The following OPA1 variants were observed in gnomAD, a reference collection of about 807,000 sequenced individuals.
OPA1 encodes the protein OPA1 mitochondrial dynamin like GTPase.
Under a neutral mutation model 152.9 loss-of-function variants are expected in OPA1, and 59 were observed. The observed-to-expected ratio is 0.39, with a 90% CI of 0.31 to 0.48. The LOEUF is 0.48. Ranked by LOEUF, OPA1 falls within the 20% of genes least tolerant of loss-of-function variation. OPA1 has a pLI of 0.96. For missense variants in OPA1, 1,008 were observed against 1,216.8 expected, an observed-to-expected ratio of 0.83 and a Z score of 2.55; for synonymous variants, 400 against 389.9, an observed-to-expected ratio of 1.03 and a Z score of -0.31.
At chr3:193,648,893 CTT>C (rs1307892765) in intron 21 of OPA1, 22 bp downstream of exon 21, 1 of 1,461,542 alleles carries the variant, frequency 6.8e-7, no homozygotes, top group East Asian at 2.3e-5. Flanking sequence ...ATATTAATCT[CTT>C]TTCTGAAAGA....
intron 29 of OPA1, among the ~76,000 whole-genome samples, chr3:193,676,934 T>G (rs899674006): frequency 7.7e-6 from 1 of 130,660 alleles, no homozygotes; most frequent in Admixed American, 9.7e-5. Flanking sequence ...TGAGCCGAGA[T>G]CGCGCCACTG....
At chr3:193,642,701 G>A (rs1192625674) in intron 11 of OPA1, 64 bp from the exon 12 acceptor site, 8 of 1,207,446 alleles carry the variant, frequency 6.6e-6, no homozygotes, top group East Asian at 2.3e-5. Flanking sequence ...GACCACATAC[G>A]GGCTGTGGGA....
At chr3:193,614,645 G>C in intron 1 of OPA1, 78 bp from the exon 2 acceptor site, 1 of 1,045,000 alleles carries the variant, frequency 9.6e-7, no homozygotes, top group Non-Finnish European at 1.5e-6. Flanking sequence ...GTTTCCTTTA[G>C]TATATTGCTC....
intron 7 of OPA1, among the ~76,000 whole-genome samples, chr3:193,629,113 A>G (rs1351214723): frequency 1.3e-5 from 2 of 151,858 alleles, no homozygotes; most frequent in Non-Finnish European, 2.9e-5. Flanking sequence ...GGGTTTCTTC[A>G]TGTTGGTCAG....
At position 193,593,485 on chromosome 3, in the gene OPA1, A is replaced by G. The variant is rs892831061; in HGVS notation, c.32+76A>G. The G allele has an allele frequency of 5.1e-6, 7 of 1,376,958 alleles. No individual in the cohort carries two copies. In the African/African-American group the frequency reaches 7.5e-5, roughly 15 times the overall value. The allele number at this position is 1,376,958 out of a possible 1,614,324, so 85.3% of individuals were successfully genotyped here. ...TGGGGCTGTCTTATCTCTATCTCCA[A>G]AAATGTGCAGGTGACTCTCAGGCCA... is the stretch of plus-strand genomic sequence containing the variant. On this transcript the variant is annotated intron_variant, in intron 1 of 30. Transcript: ENST00000361510.
chr3:193,637,949 A>G lies in OPA1; in HGVS notation c.1036-3A>G, dbSNP rs751899351. On this transcript the variant is annotated splice_polypyrimidine_tract_variant and splice_region_variant and intron_variant, in intron 10 of 30. Coordinates refer to ENST00000361510, the MANE Select transcript of OPA1 (RefSeq NM_130837.3). ...GAATAAGTGTTCTTTGTTTTGTGGG[A>G]AGGTTGTTGTGGTTGGAGATCAGAG... The G allele has an allele frequency of 6.8e-6, 11 of 1,609,208 alleles. 1 individual carries two copies. The South Asian group carries it at 8.8e-5, about 13-fold the overall frequency.
chr3:193,616,501 T>C (rs892026183), intron 3 of OPA1, among the ~76,000 whole-genome samples: 1 of 152,194 alleles, frequency 6.6e-6, no homozygotes, highest in Non-Finnish European at 1.5e-5. Context: ...TTCTGCATTA[T>C]GTAATGTTGC....
rs1716186983 is a variant in OPA1, at chr3:193,664,994, G to A, written c.2776G>A (p.Glu926Lys). ...YYYQRHFVDS[E>K]LECNDVVLFW... is the part of the protein sequence containing the mutation. Reference sequence around the variant, plus strand: ...CTACCAAAGGCATTTTGTAGATTCTGAGGTAAGGTTTCCAAAAACAAAGAG... The same window carrying A: ...CTACCAAAGGCATTTTGTAGATTCTAAGGTAAGGTTTCCAAAAACAAAGAG... The change falls in exon 27 of 31, where the codon GAG (glutamate) becomes AAG (lysine). Residue 926 changes from glutamate (E) to lysine (K), a missense_variant and splice_region_variant. Around this residue, in one of 7 missense-constraint regions of OPA1, gnomAD observed 137 missense variants for 171.0 expected, o/e 0.80. Coordinates refer to ENST00000361510, the MANE Select transcript of OPA1 (RefSeq NM_130837.3). 6.6e-7 allele frequency: 1 copy of A among 1,512,028 alleles called. No individual in the cohort carries two copies. The highest frequency in any genetic ancestry group is 9.2e-7 in the Non-Finnish European group (1 of 1,087,730). 93.7% of individuals were successfully genotyped at this position (1,512,028 alleles called of 1,614,324 possible).
intron 29 of OPA1, among the ~76,000 whole-genome samples, chr3:193,685,433 C>A (rs2109420353): frequency 6.6e-6 from 1 of 152,180 alleles, no homozygotes; most frequent in South Asian, 2.1e-4. Flanking sequence ...TTATGGGGGT[C>A]ACAAAATAGC....
At chr3:193,691,236 A>G (rs1250747652) in intron 29 of OPA1, among the ~76,000 whole-genome samples, 1 of 152,196 alleles carries the variant, frequency 6.6e-6, no homozygotes, top group African/African-American at 2.4e-5. Flanking sequence ...TATAAAATAA[A>G]GTAGGAGGTG....
chr3:193,604,561 T>C (rs1726933299), intron 1 of OPA1, among the ~76,000 whole-genome samples: 1 of 152,152 alleles, frequency 6.6e-6, no homozygotes, highest in Non-Finnish European at 1.5e-5. Context: ...GACTTTTTCT[T>C]TTGAAAATTG....
intron 29 of OPA1, among the ~76,000 whole-genome samples, chr3:193,675,131 C>T (rs1718691998): frequency 6.6e-6 from 1 of 151,916 alleles, no homozygotes; most frequent in African/African-American, 2.4e-5. Context: ...TGCATCTGCA[C>T]TGGTGTGTTC....
chr3:193,610,839 C>T (rs913086997), intron 1 of OPA1, among the ~76,000 whole-genome samples: 28 of 152,360 alleles, frequency 1.8e-4, no homozygotes, highest in East Asian at 3.9e-4. Flanking sequence ...CTGAGCCAGG[C>T]GCGGGATATA....
chr3:193,631,804 G>A (rs2064885132), intron 8 of OPA1, 139 bp downstream of exon 8: 3 of 717,864 alleles, frequency 4.2e-6, no homozygotes, highest in East Asian at 2.5e-5. Context: ...ATCGATAGAT[G>A]CAAAAGCTAA....
rs143319805 is a variant in OPA1, at chr3:193,643,378, A to G, written c.1311A>G (p.Ile437Met). 8.7e-4 allele frequency: 1,394 copies of G among 1,607,894 alleles called. 3 individuals are homozygous for G. The highest frequency in any genetic ancestry group is 1.0e-3 in the Non-Finnish European group (1,185 of 1,174,408). Residue 437 changes from isoleucine to methionine, a missense_variant, in exon 14 of 31, where the codon ATA becomes ATG. Physicochemically the swap from Ile to Met is conservative, Grantham distance 10 (BLOSUM62 1). This residue lies in a region of OPA1 where 213 missense variants were observed against 291.4 expected (regional missense o/e 0.73). Transcript: ENST00000361510. ...KEGCTVSPETISLNVKGPGLQ... is the reference protein window; with the variant it reads ...KEGCTVSPETMSLNVKGPGLQ... ...TTTTTATTTTTCCTGAGTAGACCAT[A>G]TCCTTAAATGTAAAAGGCCCTGGAC...
intron 1 of OPA1, among the ~76,000 whole-genome samples, chr3:193,599,960 C>T (rs192363592): frequency 1.4e-3 from 218 of 152,300 alleles, no homozygotes; most frequent in Non-Finnish European, 2.5e-3. Flanking sequence ...CTTATTTGAA[C>T]GCAGTTTGAA....
intron 30 of OPA1, among the ~76,000 whole-genome samples, chr3:193,692,425 A>G (rs1721813656): frequency 6.6e-6 from 1 of 152,234 alleles, no homozygotes; most frequent in Non-Finnish European, 1.5e-5. Context: ...TTCTAGGTGT[A>G]AAGAATTGAG....
intron 1 of OPA1, among the ~76,000 whole-genome samples, chr3:193,606,694 C>T (rs1727339417): frequency 6.6e-6 from 1 of 152,140 alleles, no homozygotes; most frequent in Non-Finnish European, 1.5e-5. Flanking sequence ...GGTTCCAAGT[C>T]TTTGCTATTG....
At chr3:193,612,975 C>T (rs1194962856) in intron 1 of OPA1, among the ~76,000 whole-genome samples, 1 of 152,186 alleles carries the variant, frequency 6.6e-6, no homozygotes, top group East Asian at 1.9e-4. Flanking sequence ...AGAGCAACGG[C>T]CTCAGTGGGT....
Sources: allele counts gnomAD v4.1 joint callset (sites outside exome capture counted in the v4.1 genomes callset), GRCh38; gene constraint gnomAD v4.1.1; regional missense constraint gnomAD v4.1.1; transcripts MANE v1.5; gene names NCBI Gene and HGNC (gene_info 2026-07-23, HGNC 2026-07-21).